RGL1: variants seen among roughly 807,000 people sequenced by gnomAD.
RGL1 encodes the protein ral guanine nucleotide dissociation stimulator-like 1.
RGL1 carries 24 observed loss-of-function variants against 95.2 expected under a neutral mutation model. The observed-to-expected ratio is 0.25, with a 90% CI of 0.18 to 0.35. The LOEUF (loss-of-function observed/expected upper bound fraction) is 0.35, where lower values mean the gene tolerates loss of function less well. Ranked by LOEUF, RGL1 falls within the 10% of genes least tolerant of loss-of-function variation. The pLI is 1.00. For synonymous variants in RGL1, 329 were observed against 344.9 expected, an observed-to-expected ratio of 0.95 and a Z score of 0.51; for missense variants, 715 against 936.3, an observed-to-expected ratio of 0.76 and a Z score of 3.08.
chr1:183,789,186 A>G lies in RGL1; in HGVS notation c.133-17189A>G, dbSNP rs146276894. Among the ~76,000 whole-genome samples the G allele has an allele frequency of 3.9e-3, 589 of 152,092 alleles. 5 individuals are homozygous for G. Among genetic ancestry groups the G allele is most frequent in the African/African-American group, 0.013 (559 of 41,504 alleles). ...CAGCTGGGCATGGTGGCTCATGCCT[A>G]TAATCCCAGCACTTTGGGAGGCCGA... On this transcript the variant is annotated intron_variant, in intron 2 of 18. Coordinates refer to the RGL1 transcript ENST00000304685.
At chr1:183,921,268 T>G (rs1324714654) in intron 16 of RGL1, among the ~76,000 whole-genome samples, 1 of 152,182 alleles carries the variant, frequency 6.6e-6, no homozygotes, top group Non-Finnish European at 1.5e-5. Flanking sequence ...TTGCATGTAG[T>G]TACATATGCA....
At chr1:183,707,781 G>C (rs1655010695) in intron 1 of RGL1, among the ~76,000 whole-genome samples, 1 of 152,092 alleles carries the variant, frequency 6.6e-6, no homozygotes, top group South Asian at 2.1e-4. Flanking sequence ...AGAAGCTAAA[G>C]AGGAGGCTTG....
At chr1:183,856,825 C>T (rs878929491) in intron 3 of RGL1, among the ~76,000 whole-genome samples, 3 of 151,878 alleles carry the variant, frequency 2.0e-5, no homozygotes, top group Admixed American at 6.6e-5. Flanking sequence ...TAGAAAAGAG[C>T]ATTAAAAACT....
At chr1:183,683,500 T>C (rs550918849) in intron 1 of RGL1, among the ~76,000 whole-genome samples, 3 of 152,374 alleles carry the variant, frequency 2.0e-5, no homozygotes, top group African/African-American at 7.2e-5. Flanking sequence ...GTCCCCACTC[T>C]TTTCTGGCTT....
chr1:183,767,664 A>T (rs1260278148), intron 2 of RGL1, among the ~76,000 whole-genome samples: 1 of 152,180 alleles, frequency 6.6e-6, no homozygotes, highest in Non-Finnish European at 1.5e-5. Flanking sequence ...ATTAAAAAAG[A>T]ATTGCTGGCC....
intron 2 of RGL1, among the ~76,000 whole-genome samples, chr1:183,795,580 T>A (rs142459897): frequency 7.8e-4 from 119 of 151,930 alleles, no homozygotes; most frequent in African/African-American, 2.7e-3. Flanking sequence ...AGAGCATAGG[T>A]AGATTAGAGG....
At position 183,643,351 on chromosome 1, in the gene RGL1, G is replaced by A. The variant is rs561581921; in HGVS notation, c.-33+6850G>A. ...TCTGTTGCCAGACTGGAGTGCAGTGGTGCAATCTCGGCTCACTGCAACCTC... is the reference window on the plus strand; with the variant it reads ...TCTGTTGCCAGACTGGAGTGCAGTGATGCAATCTCGGCTCACTGCAACCTC... On this transcript the variant is annotated intron_variant, in intron 1 of 18. Coordinates refer to the RGL1 transcript ENST00000304685. Among the ~76,000 whole-genome samples the A allele has an allele frequency of 5.3e-5, 8 of 151,746 alleles. 1 individual carries two copies. In the South Asian group the frequency reaches 1.7e-3, roughly 32 times the overall value.
intron 4 of RGL1, among the ~76,000 whole-genome samples, chr1:183,878,275 C>T: frequency 6.6e-6 from 1 of 152,010 alleles, no homozygotes; most frequent in East Asian, 1.9e-4. Context: ...CAGCTCACTG[C>T]AGCCTCTATC....
chr1:183,720,464 A>G (rs1000324785), intron 1 of RGL1, among the ~76,000 whole-genome samples: 3 of 152,210 alleles, frequency 2.0e-5, no homozygotes, highest in African/African-American at 7.2e-5. Flanking sequence ...CTGTATATGC[A>G]ACCTATAAGA....
intron 4 of RGL1, among the ~76,000 whole-genome samples, chr1:183,877,801 C>T (rs1666593145): frequency 6.6e-6 from 1 of 152,166 alleles, no homozygotes; most frequent in South Asian, 2.1e-4. Flanking sequence ...CGCCAGAGTT[C>T]ATTAAAAACA....
intron 1 of RGL1, among the ~76,000 whole-genome samples, chr1:183,654,583 A>T (rs1352543729): frequency 1.3e-5 from 2 of 152,204 alleles, no homozygotes; most frequent in Non-Finnish European, 1.5e-5. Flanking sequence ...TCAGTTCTGT[A>T]AGAAAGTATT....
At chr1:183,911,366 T>C (rs564411492) in intron 14 of RGL1, among the ~76,000 whole-genome samples, 2 of 152,344 alleles carry the variant, frequency 1.3e-5, no homozygotes, top group African/African-American at 4.8e-5. Flanking sequence ...GTATAGCCCT[T>C]TGTGGGCCCT....
At chr1:183,788,133 G>A (rs951473382) in intron 2 of RGL1, among the ~76,000 whole-genome samples, 2 of 152,158 alleles carry the variant, frequency 1.3e-5, no homozygotes, top group African/African-American at 4.8e-5. Context: ...ACTAGTCAGG[G>A]TTCACTACAG....
chr1:183,641,703 C>T (rs954523276), intron 1 of RGL1, among the ~76,000 whole-genome samples: 3 of 152,090 alleles, frequency 2.0e-5, no homozygotes, highest in African/African-American at 7.2e-5. Context: ...TTTCTATGCT[C>T]TGCAATAGTT....
chr1:183,797,382 A>G (rs1474484661), intron 2 of RGL1, among the ~76,000 whole-genome samples: 1 of 152,230 alleles, frequency 6.6e-6, no homozygotes. Context: ...AATGTTTGCC[A>G]TCATGGCCGG....
chr1:183,800,537 C>G (rs963845750), upstream of RGL1, among the ~76,000 whole-genome samples: 10 of 152,232 alleles, frequency 6.6e-5, no homozygotes, highest in South Asian at 6.2e-4. Context: ...TAGATCTTCC[C>G]CTATTTAGCA....
intron 2 of RGL1, among the ~76,000 whole-genome samples, chr1:183,752,062 G>A (rs1658035553): frequency 6.6e-6 from 1 of 152,056 alleles, no homozygotes. Flanking sequence ...AGTTTTTCCA[G>A]GTTAATAGCT....
At chr1:183,798,943 C>T (rs1206600548) in intron 2 of RGL1, among the ~76,000 whole-genome samples, 1 of 139,938 alleles carries the variant, frequency 7.1e-6, no homozygotes, top group East Asian at 2.1e-4. Flanking sequence ...CTTGCTCTGT[C>T]GCCCAGGCTG....
At chr1:183,662,775 CA>C (rs1289424238) in intron 1 of RGL1, among the ~76,000 whole-genome samples, 1 of 152,128 alleles carries the variant, frequency 6.6e-6, no homozygotes, top group Non-Finnish European at 1.5e-5. Flanking sequence ...GCCAAAAGAA[CA>C]AAGCTGGAGG....
Sources: gnomAD v4.1 joint callset for allele counts (sites outside exome capture counted in the v4.1 genomes callset) on GRCh38, gnomAD v4.1.1 for gene constraint, MANE v1.5 for transcripts, NCBI Gene and HGNC (gene_info 2026-07-23, HGNC 2026-07-21) for gene names.